Variants in MYO1D observed in about 807,000 individuals in gnomAD.
MYO1D encodes the protein myosin ID.
Under a neutral mutation model 122.0 loss-of-function variants are expected in MYO1D, and 83 were observed. That is an observed-to-expected ratio of 0.68 (90% confidence interval 0.57 to 0.82). The LOEUF (loss-of-function observed/expected upper bound fraction) is 0.82. Ranked by LOEUF, MYO1D falls within the 40% of genes least tolerant of loss-of-function variation. The pLI, the probability that MYO1D is intolerant of heterozygous loss-of-function variation, is 0.00. For missense variants in MYO1D, 1,157 were observed against 1,269.5 expected (o/e 0.91, Z 1.35); for synonymous variants, 464 against 446.9 (o/e 1.04, Z -0.48).
rs191391893 is a variant in MYO1D, at chr17:32,757,299, T to C, written c.1297-1637A>G. Among the ~76,000 whole-genome samples, 5 of 152,204 alleles carry C rather than the reference T, an allele frequency of 3.3e-5. No homozygotes were observed. The East Asian group carries it at 5.8e-4, about 18-fold the overall frequency. On this transcript the variant is annotated intron_variant, in intron 10 of 21. Coordinates refer to ENST00000318217, the MANE Select transcript of MYO1D (RefSeq NM_015194.3). ...AACTAAAGTTTCTCAAATAGGGGAA[T>C]AGGGGGAATTTTGCTCACCAGGGGA... is the stretch of plus-strand genomic sequence containing the variant.
intron 1 of MYO1D, among the ~76,000 whole-genome samples, chr17:32,796,980 T>TG (rs1454437232): frequency 3.3e-5 from 5 of 150,620 alleles, no homozygotes; most frequent in Non-Finnish European, 7.4e-5. Flanking sequence ...CTTTTGTTGT[T>TG]TTTTTTTTTG....
At chr17:32,612,712 A>G in intron 20 of MYO1D, among the ~76,000 whole-genome samples, 1 of 146,194 alleles carries the variant, frequency 6.8e-6, no homozygotes. Flanking sequence ...AAAAAAAAAA[A>G]GAAGAAGAAG....
Position 32,822,742 on chromosome 17 carries a change from G to C in MYO1D, c.96-41958C>G, listed in dbSNP as rs1039197624. On this transcript the variant is annotated intron_variant, in intron 1 of 21. Coordinates refer to ENST00000318217, the MANE Select transcript of MYO1D (RefSeq NM_015194.3). ...GGTCGACCAGCAGACCGCGGGTGGC[G>C]GGCAGCAGGCGGCGAGGCCCGGGGC... Among the ~76,000 whole-genome samples, 3 of 151,310 alleles carry C rather than the reference G, an allele frequency of 2.0e-5. No individual in the cohort carries two copies. In the South Asian group the frequency reaches 6.2e-4, roughly 31 times the overall value.
chr17:32,632,040 C>T (rs566812604), intron 20 of MYO1D, among the ~76,000 whole-genome samples: 1 of 152,276 alleles, frequency 6.6e-6, no homozygotes, highest in East Asian at 1.9e-4. Flanking sequence ...TCCCTTCCTT[C>T]CTTGCTAACT....
At chr17:32,648,268 T>C (rs1433042974) in intron 19 of MYO1D, among the ~76,000 whole-genome samples, 1 of 152,150 alleles carries the variant, frequency 6.6e-6, no homozygotes, top group Non-Finnish European at 1.5e-5. Flanking sequence ...AGTTGACCTC[T>C]TTCTTCTTCC....
At chr17:32,867,704 G>C (rs1200450556) in intron 1 of MYO1D, among the ~76,000 whole-genome samples, 6 of 148,932 alleles carry the variant, frequency 4.0e-5, no homozygotes, top group African/African-American at 1.5e-4. Context: ...GGCTGAGGTA[G>C]GAGAACTGCT....
intron 21 of MYO1D, among the ~76,000 whole-genome samples, chr17:32,603,517 T>G (rs947664603): frequency 2.1e-5 from 3 of 145,376 alleles, no homozygotes; most frequent in Non-Finnish European, 4.5e-5. Flanking sequence ...CCTTACATTC[T>G]AAACTTTTTT....
At chr17:32,740,312 T>C (rs1291298757) in intron 13 of MYO1D, among the ~76,000 whole-genome samples, 1 of 152,226 alleles carries the variant, frequency 6.6e-6, no homozygotes, top group Non-Finnish European at 1.5e-5. Context: ...TTGTCTACCT[T>C]ACTCACTGTT....
chr17:32,745,165 G>A, intron 13 of MYO1D, 46 bp downstream of exon 13: 1 of 1,061,976 alleles, frequency 9.4e-7, no homozygotes, highest in Admixed American at 2.1e-5. Context: ...TATTACATAT[G>A]TCAATGAGCT....
At chr17:32,833,696 C>T (rs4395124) in intron 1 of MYO1D, among the ~76,000 whole-genome samples, 9,190 of 152,190 alleles carry the variant, frequency 0.06, 463 homozygotes, top group East Asian at 0.19. Context: ...TCTTCACACA[C>T]GCTTCACTCC....
At chr17:32,602,290 T>C (rs1008441041) in intron 21 of MYO1D, among the ~76,000 whole-genome samples, 26 of 152,236 alleles carry the variant, frequency 1.7e-4, no homozygotes, top group African/African-American at 6.3e-4. Flanking sequence ...CATAATGGAC[T>C]GTATTTTCCT....
intron 21 of MYO1D, among the ~76,000 whole-genome samples, chr17:32,571,876 C>T (rs2087232595): frequency 6.6e-6 from 1 of 152,158 alleles, no homozygotes; most frequent in African/African-American, 2.4e-5. Flanking sequence ...ACTGCTGGTT[C>T]TTTTGTGCTT....
chr17:32,828,515 C>CAAAAAAAAAAAAAAAAA (rs137921871), intron 1 of MYO1D, among the ~76,000 whole-genome samples: 2 of 71,808 alleles, frequency 2.8e-5, no homozygotes, highest in Non-Finnish European at 5.1e-5. Context: ...GACTCCGTCT[C>CAAAAAAAAAAAAAAAAA]AAAAAAAAAA....
chr17:32,777,538 A>G (rs1291253479), intron 3 of MYO1D, among the ~76,000 whole-genome samples: 1 of 152,184 alleles, frequency 6.6e-6, no homozygotes. Flanking sequence ...TGTTAAGCAA[A>G]TACTATGTGC....
chr17:32,706,729 C>T (rs984866653), intron 16 of MYO1D, among the ~76,000 whole-genome samples: 1 of 152,066 alleles, frequency 6.6e-6, no homozygotes, highest in Non-Finnish European at 1.5e-5. Flanking sequence ...TGGAGTCTCA[C>T]TCTGTTGCCC....
intron 17 of MYO1D, among the ~76,000 whole-genome samples, chr17:32,656,261 T>C (rs936213386): frequency 2.6e-5 from 4 of 152,112 alleles, no homozygotes; most frequent in African/African-American, 9.7e-5. Context: ...AAATTCCCAC[T>C]GAAATAACCA....
intron 13 of MYO1D, among the ~76,000 whole-genome samples, chr17:32,743,865 GC>G (rs1221423142): frequency 6.6e-6 from 1 of 151,402 alleles, no homozygotes; most frequent in Non-Finnish European, 1.5e-5. Context: ...TGATCTGCCC[GC>G]CTCAGGCTCC....
intron 16 of MYO1D, among the ~76,000 whole-genome samples, chr17:32,705,918 C>T (rs929593214): frequency 3.9e-5 from 6 of 152,096 alleles, no homozygotes; most frequent in African/African-American, 1.2e-4. Context: ...CTCTCTTTGC[C>T]GGCCACCATG....
chr17:32,645,608 A>AT (rs997265098), intron 19 of MYO1D, among the ~76,000 whole-genome samples: 23 of 150,298 alleles, frequency 1.5e-4, no homozygotes, highest in Non-Finnish European at 2.4e-4. Flanking sequence ...GTTTCTTTTT[A>AT]TTTTTTTTTC....
Sources: gnomAD v4.1 joint callset for allele counts (sites outside exome capture counted in the v4.1 genomes callset) on GRCh38, gnomAD v4.1.1 for gene constraint, MANE v1.5 for transcripts, NCBI Gene and HGNC (gene_info 2026-07-23, HGNC 2026-07-21) for gene names.